SORCS3: variants seen among roughly 807,000 people sequenced by gnomAD.
SORCS3 encodes the protein sortilin related VPS10 domain containing receptor 3.
A neutral mutation model predicts 146.3 loss-of-function variants in SORCS3; 57 were observed. That is an observed-to-expected ratio of 0.39 (90% CI 0.31 to 0.49). The LOEUF is 0.49. Ranked by LOEUF, SORCS3 falls within the 20% of genes least tolerant of loss-of-function variation. The pLI, the probability that SORCS3 is intolerant of heterozygous loss-of-function variation, is 0.92. For synonymous variants in SORCS3, 653 were observed against 618.5 expected, an observed-to-expected ratio of 1.06 and a Z score of -0.83; for missense variants, 1,341 against 1,575.5, an observed-to-expected ratio of 0.85 and a Z score of 2.52.
At chr10:105,017,641 A>G (rs892234836) in intron 4 of SORCS3, among the ~76,000 whole-genome samples, 7 of 152,234 alleles carry the variant, frequency 4.6e-5, no homozygotes, top group Non-Finnish European at 1.0e-4. Context: ...ATGTTGCTCA[A>G]TAAATGCTGC....
At chr10:104,841,749 T>C (rs956587600) in intron 1 of SORCS3, among the ~76,000 whole-genome samples, 2 of 152,200 alleles carry the variant, frequency 1.3e-5, no homozygotes, top group Non-Finnish European at 2.9e-5. Context: ...AAGAATTTAA[T>C]GGTTGCTGTG....
chr10:104,842,738 C>CT (rs5787553), intron 1 of SORCS3, 54 bp from the exon 2 acceptor site: 887,794 of 1,391,464 alleles, frequency 0.64, 286,606 homozygotes, highest in East Asian at 0.81. Flanking sequence ...AGTAAGCTTC[C>CT]TTTTTTCCCT....
At chr10:104,988,538 G>T (rs1484554722) in intron 4 of SORCS3, among the ~76,000 whole-genome samples, 2 of 152,034 alleles carry the variant, frequency 1.3e-5, no homozygotes, top group East Asian at 3.9e-4. Flanking sequence ...AGTTTTGTTC[G>T]CTTTTCCCAT....
chr10:104,792,647 G>C (rs912573955), intron 1 of SORCS3, among the ~76,000 whole-genome samples: 10 of 152,216 alleles, frequency 6.6e-5, no homozygotes, highest in African/African-American at 2.4e-4. Context: ...TTGGTATCAA[G>C]GTGGCTAAAA....
At chr10:105,041,390 C>A (rs2055337083) in intron 4 of SORCS3, among the ~76,000 whole-genome samples, 1 of 142,880 alleles carries the variant, frequency 7.0e-6, no homozygotes. Context: ...ACATTACAGG[C>A]TATTTTGAGG....
At chr10:105,213,865 GA>G (rs3830282) in intron 17 of SORCS3, among the ~76,000 whole-genome samples, 2 of 151,570 alleles carry the variant, frequency 1.3e-5, no homozygotes, top group Admixed American at 1.3e-4. Context: ...TTAGCAAGGA[GA>G]AAAAAAATGT....
chr10:104,800,182 C>T (rs182004376), intron 1 of SORCS3, among the ~76,000 whole-genome samples: 1 of 151,964 alleles, frequency 6.6e-6, no homozygotes, highest in East Asian at 1.9e-4. Context: ...TATGTAGAAA[C>T]TTTAAATAGA....
Position 104,721,930 on chromosome 10 carries a change from C to T in SORCS3, c.627+79976C>T, listed in dbSNP as rs916853270. ...CAGTCATGTCATCTGCAAACAGGAA[C>T]AATTTGACTTCCTCTTTTCCTAATT... is the stretch of plus-strand genomic sequence containing the variant. On this transcript the variant is annotated intron_variant, in intron 1 of 26. Transcript: ENST00000369701. 2.6e-5 allele frequency among the ~76,000 whole-genome samples: 4 copies of T among 152,304 alleles called. No homozygotes were observed. The South Asian group carries it at 8.3e-4, about 32-fold the overall frequency.
intron 1 of SORCS3, among the ~76,000 whole-genome samples, chr10:104,673,419 CGTGTGTGT>C (rs61501873): frequency 1.4e-5 from 2 of 146,006 alleles, no homozygotes; most frequent in African/African-American, 2.5e-5. Context: ...TTCTTATTTC[CGTGTGTGT>C]GTGTGTGTGT....
At chr10:104,747,527 A>G (rs1053315027) in intron 1 of SORCS3, among the ~76,000 whole-genome samples, 62 of 152,216 alleles carry the variant, frequency 4.1e-4, no homozygotes, top group Admixed American at 3.3e-4. Context: ...TGACAGATGC[A>G]TGGAGTTCCT....
chr10:104,996,654 C>T (rs974511826), intron 4 of SORCS3, among the ~76,000 whole-genome samples: 1 of 152,016 alleles, frequency 6.6e-6, no homozygotes, highest in Admixed American at 6.6e-5. Flanking sequence ...TCAAGATAGG[C>T]CATATTCTGG....
chr10:105,221,720 C>T lies in SORCS3; in HGVS notation c.2735-1396C>T, dbSNP rs184990878. On this transcript the variant is annotated intron_variant, in intron 19 of 26. Coordinates refer to ENST00000369701, the MANE Select transcript of SORCS3 (RefSeq NM_014978.3). The stretch of plus-strand genomic sequence containing the variant: ...GAAAAATCCTCCACCAATAAGAATT[C>T]AAGGCCCCCAGGCTGAAGAGATGTC... Among the ~76,000 whole-genome samples the T allele has an allele frequency of 1.7e-3, 256 of 152,302 alleles. 1 individual carries two copies. The highest frequency in any genetic ancestry group is 6.0e-3 in the African/African-American group (248 of 41,578).
In SORCS3 at chr10:104,726,607, T is replaced by C. The variant is rs1002942992; in HGVS notation, c.627+84653T>C. On this transcript the variant is annotated intron_variant, in intron 1 of 26. Transcript: ENST00000369701. ...CCCAGGGGGCTCTCCGTTGGACACC[T>C]CTTTATTCCTTTTCTCCCCATCTAG... 7.2e-5 allele frequency among the ~76,000 whole-genome samples: 11 copies of C among 151,940 alleles called. No individual in the cohort carries two copies. In the East Asian group the frequency reaches 9.6e-4, roughly 13 times the overall value.
intron 1 of SORCS3, among the ~76,000 whole-genome samples, chr10:104,735,358 G>A (rs1189600921): frequency 6.6e-6 from 1 of 151,400 alleles, no homozygotes; most frequent in Non-Finnish European, 1.5e-5. Context: ...TGCAGCCGGA[G>A]ATGCGTCCTC....
intron 2 of SORCS3, among the ~76,000 whole-genome samples, chr10:104,870,687 G>A (rs964471774): frequency 1.3e-5 from 2 of 152,098 alleles, no homozygotes; most frequent in South Asian, 4.1e-4. Flanking sequence ...GGCTCACTTG[G>A]AGAGGGAGAG....
At chr10:105,077,162 C>T (rs2055593940) in intron 5 of SORCS3, among the ~76,000 whole-genome samples, 1 of 152,132 alleles carries the variant, frequency 6.6e-6, no homozygotes, top group African/African-American at 2.4e-5. Context: ...GGAATTGTGT[C>T]ATATTTGTGA....
At chr10:105,042,821 G>A (rs2055346089) in intron 4 of SORCS3, among the ~76,000 whole-genome samples, 1 of 152,140 alleles carries the variant, frequency 6.6e-6, no homozygotes, top group Admixed American at 6.6e-5. Context: ...GCCATCAGAA[G>A]TGTATTTATA....
chr10:104,645,619 A>G (rs2015485058), intron 1 of SORCS3, among the ~76,000 whole-genome samples: 1 of 152,132 alleles, frequency 6.6e-6, no homozygotes, highest in South Asian at 2.1e-4. Flanking sequence ...GTAGTTCTCA[A>G]TTAATGGGCC....
chr10:104,696,683 A>ATATATACG lies in SORCS3; in HGVS notation c.627+54735_627+54736insCGTATATA, dbSNP rs1342013984. On this transcript the variant is annotated intron_variant, in intron 1 of 26. Transcript: ENST00000369701. ...GTATATATAATATATAACATATATA[A>ATATATACG]TATATAATATATATTATATACGTAT... Among the ~76,000 whole-genome samples, 3 of 77,952 alleles carry ATATATACG rather than the reference A, an allele frequency of 3.8e-5. No individual in the cohort carries two copies. In the East Asian group the frequency reaches 9.9e-4, roughly 26 times the overall value. 51.1% of individuals were successfully genotyped at this position (77,952 alleles called of 152,430 possible).
Sources: allele counts gnomAD v4.1 joint callset (sites outside exome capture counted in the v4.1 genomes callset), GRCh38; gene constraint gnomAD v4.1.1; transcripts MANE v1.5; gene names NCBI Gene and HGNC (gene_info 2026-07-23, HGNC 2026-07-21).